Variants in DLGAP1 observed in about 807,000 individuals in gnomAD.
DLGAP1 encodes the protein disks large-associated protein 1.
DLGAP1 carries 11 observed loss-of-function variants against 90.8 expected under a neutral mutation model. The ratio of observed to expected loss-of-function variants is 0.12; its 90% CI spans 0.08 to 0.20. DLGAP1 has a LOEUF of 0.20. Among genes scored for constraint, DLGAP1 ranks in the 10% least tolerant of loss-of-function variants. The pLI is 1.00. For synonymous variants in DLGAP1, 558 were observed against 540.7 expected (o/e 1.03, Z -0.44); for missense variants, 1,050 against 1,333.8 (o/e 0.79, Z 3.31).
At chr18:4,177,117 G>T (rs2077122323) in intron 1 of DLGAP1, among the ~76,000 whole-genome samples, 1 of 152,066 alleles carries the variant, frequency 6.6e-6, no homozygotes, top group South Asian at 2.1e-4. Context: ...ACATGCCAGT[G>T]GCAGATTGTG....
intron 5 of DLGAP1, among the ~76,000 whole-genome samples, chr18:3,779,290 G>T (rs1176499319): frequency 6.6e-6 from 1 of 152,120 alleles, no homozygotes; most frequent in Non-Finnish European, 1.5e-5. Context: ...TGCCCAGGCT[G>T]GTCTCGAACT....
chr18:4,156,303 C>T (rs1308121796), intron 1 of DLGAP1, among the ~76,000 whole-genome samples: 1 of 152,112 alleles, frequency 6.6e-6, no homozygotes. Context: ...TCTGGTATAG[C>T]ATAGGTGATT....
At chr18:3,563,824 A>G (rs542230909) in intron 9 of DLGAP1, among the ~76,000 whole-genome samples, 1 of 152,152 alleles carries the variant, frequency 6.6e-6, no homozygotes, top group East Asian at 1.9e-4. Flanking sequence ...GGAAGTTTCT[A>G]TTGTTATATC....
At chr18:4,171,509 G>C (rs2077024954) in intron 1 of DLGAP1, among the ~76,000 whole-genome samples, 1 of 151,100 alleles carries the variant, frequency 6.6e-6, no homozygotes, top group South Asian at 2.1e-4. Context: ...AGCTTGCAGT[G>C]AGCCGAGATC....
Position 4,074,159 on chromosome 18 carries a change from A to G in DLGAP1, c.-158-68958T>C, listed in dbSNP as rs111754553. Among the ~76,000 whole-genome samples the G allele has an allele frequency of 3.4e-3, 516 of 152,294 alleles. 2 individuals are homozygous for G. The highest frequency in any genetic ancestry group is 0.012 in the African/African-American group (492 of 41,586). ...TATGTAGAATAAAGACCAATAAACTAGGAGGCGATATAAATGGATTCTAGA... is the reference window on the plus strand; with the variant it reads ...TATGTAGAATAAAGACCAATAAACTGGGAGGCGATATAAATGGATTCTAGA... On this transcript the variant is annotated intron_variant, in intron 2 of 12. Transcript: ENST00000315677.
intron 3 of DLGAP1, among the ~76,000 whole-genome samples, chr18:3,961,047 G>T (rs142061767): frequency 1.4e-4 from 22 of 152,320 alleles, no homozygotes; most frequent in African/African-American, 4.1e-4. Flanking sequence ...TCTGGACACT[G>T]TGGCCTGGGG....
intron 5 of DLGAP1, among the ~76,000 whole-genome samples, chr18:3,764,449 T>TTTGC (rs997384516): frequency 1.3e-5 from 2 of 151,808 alleles, no homozygotes; most frequent in Non-Finnish European, 2.9e-5. Context: ...CGTTTGTTTG[T>TTTGC]TTTTCCTGCA....
intron 3 of DLGAP1, among the ~76,000 whole-genome samples, chr18:3,908,562 G>C (rs1293219836): frequency 6.6e-6 from 1 of 152,104 alleles, no homozygotes; most frequent in African/African-American, 2.4e-5. Context: ...GTTCAGGTTG[G>C]TGGCCACTGT....
At chr18:3,694,853 C>T (rs1272246665) in intron 7 of DLGAP1, among the ~76,000 whole-genome samples, 1 of 150,958 alleles carries the variant, frequency 6.6e-6, no homozygotes, top group African/African-American at 2.4e-5. Flanking sequence ...TGATGAGTTT[C>T]TTTTGCTGTG....
At chr18:4,371,816 C>T (rs562094119) in intron 1 of DLGAP1, among the ~76,000 whole-genome samples, 2 of 152,308 alleles carry the variant, frequency 1.3e-5, no homozygotes, top group East Asian at 1.9e-4. Context: ...AGCCCTTTTG[C>T]TGCAGTACTT....
chr18:4,319,109 A>G (rs62085601), intron 1 of DLGAP1, among the ~76,000 whole-genome samples: 2,981 of 152,330 alleles, frequency 0.02, 32 homozygotes, highest in Admixed American at 0.029. Context: ...GTTTCACACC[A>G]TAAATAAATA....
intron 2 of DLGAP1, among the ~76,000 whole-genome samples, chr18:4,034,576 C>T (rs79733220): frequency 6.6e-6 from 1 of 152,186 alleles, no homozygotes; most frequent in African/African-American, 2.4e-5. Flanking sequence ...GATTTTATAA[C>T]CTTCCTCAGT....
chr18:4,236,368 G>A (rs962427398), intron 1 of DLGAP1, among the ~76,000 whole-genome samples: 3 of 152,206 alleles, frequency 2.0e-5, no homozygotes, highest in African/African-American at 7.2e-5. Context: ...AGTCCATTAT[G>A]TCTCTTGGAA....
intron 2 of DLGAP1, among the ~76,000 whole-genome samples, chr18:4,117,357 A>G (rs1424067779): frequency 6.6e-6 from 1 of 152,230 alleles, no homozygotes. Flanking sequence ...TAATTGTTTC[A>G]TTGAAAACTG....
chr18:4,341,051 G>A (rs1391823984), intron 1 of DLGAP1, among the ~76,000 whole-genome samples: 1 of 152,002 alleles, frequency 6.6e-6, no homozygotes, highest in Non-Finnish European at 1.5e-5. Flanking sequence ...AAGAGTTAAG[G>A]AGCCCTTAAG....
At chr18:4,265,925 C>A (rs143583377) in intron 1 of DLGAP1, among the ~76,000 whole-genome samples, 1 of 151,556 alleles carries the variant, frequency 6.6e-6, no homozygotes, top group South Asian at 2.1e-4. Flanking sequence ...TTGGCTCAAG[C>A]GATCCTCCCT....
intron 3 of DLGAP1, among the ~76,000 whole-genome samples, chr18:3,964,971 T>G (rs1471025887): frequency 1.3e-5 from 2 of 152,098 alleles, no homozygotes; most frequent in Non-Finnish European, 2.9e-5. Flanking sequence ...GTCACCAAAT[T>G]TACGTGAACT....
chr18:3,839,778 T>C (rs1224451169), intron 4 of DLGAP1, among the ~76,000 whole-genome samples: 2 of 152,190 alleles, frequency 1.3e-5, no homozygotes, highest in Non-Finnish European at 1.5e-5. Context: ...AGAAAACAGC[T>C]CCTTTTGTTT....
intron 5 of DLGAP1, among the ~76,000 whole-genome samples, chr18:3,757,323 C>A (rs561932657): frequency 1.3e-5 from 2 of 152,140 alleles, no homozygotes; most frequent in African/African-American, 4.8e-5. Context: ...TCAGGAGAAT[C>A]GCTTGAAACC....
Sources: allele counts gnomAD v4.1 joint callset (sites outside exome capture counted in the v4.1 genomes callset), GRCh38; gene constraint gnomAD v4.1.1; transcripts MANE v1.5; gene names NCBI Gene and HGNC (gene_info 2026-07-23, HGNC 2026-07-21).